Variants in GLRX3 observed in about 807,000 individuals in gnomAD.
GLRX3 encodes glutaredoxin 3.
GLRX3 carries 22 observed loss-of-function variants against 49.5 expected under a neutral mutation model. That is an observed-to-expected ratio of 0.44 (90% CI 0.32 to 0.63). GLRX3 has a LOEUF of 0.63. GLRX3 is among the 30% of genes least tolerant of loss of function. GLRX3 has a pLI of 0.05. For missense variants in GLRX3, 385 were observed against 396.3 expected, an observed-to-expected ratio of 0.97 and a Z score of 0.24; for synonymous variants, 133 against 140.0, an observed-to-expected ratio of 0.95 and a Z score of 0.35.
chr10:130,175,518 A>G (rs528067761), intron 10 of GLRX3, among the ~76,000 whole-genome samples: 86 of 152,344 alleles, frequency 5.6e-4, no homozygotes, highest in African/African-American at 2.0e-3. Flanking sequence ...GGTCCCCCGA[A>G]AGAAAAAATG....
At chr10:130,161,149 C>T in intron 4 of GLRX3, 152 bp downstream of exon 4, 1 of 624,744 alleles carries the variant, frequency 1.6e-6, no homozygotes, top group East Asian at 2.7e-5. Flanking sequence ...GGTTATAATT[C>T]CCAATGACAC....
At chr10:130,154,956 A>G (rs781205155) in intron 2 of GLRX3, among the ~76,000 whole-genome samples, 6 of 152,148 alleles carry the variant, frequency 3.9e-5, no homozygotes, top group Non-Finnish European at 8.8e-5. Context: ...GGAAGGGTGT[A>G]TCTAAGGAAG....
At chr10:130,176,774 T>G (rs35151771) in intron 10 of GLRX3, among the ~76,000 whole-genome samples, 3,250 of 110,938 alleles carry the variant, frequency 0.029, 162 homozygotes, top group African/African-American at 0.11. Context: ...CCCTCCCTCT[T>G]TCTCTCTCTC....
chr10:130,160,212 T>C, intron 3 of GLRX3, 143 bp downstream of exon 3: 1 of 612,696 alleles, frequency 1.6e-6, no homozygotes. Flanking sequence ...GATAGTCTCA[T>C]TTTTGCACCG....
chr10:130,163,523 G>A (rs1862618040), intron 4 of GLRX3, among the ~76,000 whole-genome samples: 1 of 152,098 alleles, frequency 6.6e-6, no homozygotes. Flanking sequence ...ATGGTTGAAT[G>A]GTTACAGTTT....
intron 4 of GLRX3, among the ~76,000 whole-genome samples, chr10:130,164,745 A>T (rs767429847): frequency 2.0e-5 from 3 of 152,336 alleles, no homozygotes; most frequent in South Asian, 2.1e-4. Flanking sequence ...TAAAAATGAA[A>T]CACTACCAAT....
At chr10:130,149,547 A>T (rs552891360) in intron 2 of GLRX3, among the ~76,000 whole-genome samples, 1 of 152,206 alleles carries the variant, frequency 6.6e-6, no homozygotes, top group South Asian at 2.1e-4. Context: ...CAAATTACAT[A>T]GTCAGTATCT....
In GLRX3 at chr10:130,170,906, G is replaced by A. The variant is rs146362266; in HGVS notation, c.772-678G>A. On this transcript the variant is annotated intron_variant, in intron 7 of 10. Transcript: ENST00000331244. ...CCCAGCACTTTGGGAGGCCAAGGCA[G>A]GTCCGAGGTCAAGAGATCGAGACCA... Among the ~76,000 whole-genome samples the A allele has an allele frequency of 1.2e-3, 184 of 152,226 alleles. 2 individuals are homozygous for A. The highest frequency in any genetic ancestry group is 4.2e-3 in the African/African-American group (176 of 41,542).
chr10:130,172,992 C>T (rs1223897686), intron 8 of GLRX3, among the ~76,000 whole-genome samples: 1 of 152,186 alleles, frequency 6.6e-6, no homozygotes, highest in Non-Finnish European at 1.5e-5. Flanking sequence ...TTTATAGAAG[C>T]AAGTATAGTC....
At chr10:130,165,508 T>C (rs67617103) in intron 4 of GLRX3, among the ~76,000 whole-genome samples, 14,325 of 152,090 alleles carry the variant, frequency 0.094, 849 homozygotes, top group Non-Finnish European at 0.12. Flanking sequence ...ATTACATACT[T>C]TAGGGAATGT....
In GLRX3 at chr10:130,178,950, C is replaced by T. The variant is rs149756715; in HGVS notation, c.958-392C>T. Among the ~76,000 whole-genome samples, 1,039 of 152,250 alleles carry T rather than the reference C, an allele frequency of 6.8e-3. 7 individuals are homozygous for T. Among genetic ancestry groups the T allele is most frequent in the African/African-American group, 0.024 (992 of 41,558 alleles). ...AACTCCTGACCTCAGGTGATCTGCC[C>T]TCCTCGGCCTCCCAACGTGCTGGGA... On this transcript the variant is annotated intron_variant, in intron 10 of 10. Transcript: ENST00000331244.
chr10:130,137,518 A>C (rs1318912757), intron 1 of GLRX3, among the ~76,000 whole-genome samples: 1 of 151,996 alleles, frequency 6.6e-6, no homozygotes, highest in Non-Finnish European at 1.5e-5. Context: ...TAGCCATGTA[A>C]CCCCTGGGCA....
In GLRX3 at chr10:130,136,508, G is replaced by C. The variant is rs755569786; in HGVS notation, c.88G>C (p.Ala30Pro). 1.6e-6 allele frequency: 2 copies of C among 1,261,998 alleles called. No individual in the cohort carries two copies. The highest frequency in any genetic ancestry group is 2.0e-6 in the Non-Finnish European group (2 of 996,544). 78.2% of individuals were successfully genotyped at this position (1,261,998 alleles called of 1,614,324 possible). The stretch of plus-strand genomic sequence containing the variant: ...GTTTGAGGAGCTGCTGCGCCTCAAA[G>C]CCAAGTAAGCGGGGCGGCGAGCGGT... ...GQFEELLRLK[A>P]KSLLVVHFWA... Residue 30 changes from alanine to proline, a missense_variant, in exon 1 of 11, where the codon GCC becomes CCC. Physicochemically the swap from Ala to Pro is conservative, Grantham distance 27 (BLOSUM62 -1). Transcript: ENST00000331244.
intron 8 of GLRX3, among the ~76,000 whole-genome samples, chr10:130,174,459 A>C (rs1862875400): frequency 6.6e-6 from 1 of 152,236 alleles, no homozygotes; most frequent in Non-Finnish European, 1.5e-5. Flanking sequence ...CCATTTTTGT[A>C]AATAAAGTTA....
chr10:130,175,172 G>T, intron 10 of GLRX3, 83 bp downstream of exon 10: 1 of 825,116 alleles, frequency 1.2e-6, no homozygotes, highest in East Asian at 2.5e-5. Flanking sequence ...ATGGAAACTT[G>T]AGAGTTGTTT....
At chr10:130,176,545 C>T (rs1366563451) in intron 10 of GLRX3, among the ~76,000 whole-genome samples, 3 of 152,162 alleles carry the variant, frequency 2.0e-5, no homozygotes, top group African/African-American at 7.2e-5. Context: ...TGCAGAGGCT[C>T]TTTTTGTCCT....
chr10:130,174,499 A>G (rs1020703336), intron 8 of GLRX3, among the ~76,000 whole-genome samples: 1 of 152,272 alleles, frequency 6.6e-6, no homozygotes, highest in Non-Finnish European at 1.5e-5. Context: ...CCCTTCATTT[A>G]TACATTGTCT....
intron 2 of GLRX3, among the ~76,000 whole-genome samples, chr10:130,146,851 A>G (rs986132083): frequency 2.6e-5 from 4 of 152,210 alleles, no homozygotes; most frequent in African/African-American, 7.2e-5. Flanking sequence ...AGGGTAATTC[A>G]TTCGTATAGT....
At chr10:130,152,831 A>C (rs1017515727) in intron 2 of GLRX3, among the ~76,000 whole-genome samples, 2 of 152,048 alleles carry the variant, frequency 1.3e-5, no homozygotes, top group African/African-American at 2.4e-5. Flanking sequence ...GTATTTCCTG[A>C]ATTTGAATGT....
Sources: gnomAD v4.1 joint callset for allele counts (sites outside exome capture counted in the v4.1 genomes callset) on GRCh38, gnomAD v4.1.1 for gene constraint, MANE v1.5 for transcripts, NCBI Gene and HGNC (gene_info 2026-07-23, HGNC 2026-07-21) for gene names.